Variants in FRAS1 observed in about 807,000 individuals in gnomAD.
FRAS1 encodes Fraser extracellular matrix complex subunit 1.
In FRAS1, 290 loss-of-function variants were observed where a neutral mutation model predicts 435.2. The ratio of observed to expected loss-of-function variants is 0.67; its 90% CI spans 0.61 to 0.73. The LOEUF (loss-of-function observed/expected upper bound fraction) is 0.73. Among genes scored for constraint, FRAS1 ranks in the 30% least tolerant of loss-of-function variants. The probability of loss-of-function intolerance (pLI) is 0.00; values close to 1 mark genes in which losing one functional copy is unlikely to be tolerated. For missense variants in FRAS1, 4,860 were observed against 5,001.5 expected, an observed-to-expected ratio of 0.97 and a Z score of 0.85; for synonymous variants, 1,800 against 1,851.0, an observed-to-expected ratio of 0.97 and a Z score of 0.71.
At chr4:78,139,630 T>C (rs546857095) in intron 2 of FRAS1, among the ~76,000 whole-genome samples, 6 of 151,972 alleles carry the variant, frequency 3.9e-5, no homozygotes, top group African/African-American at 7.3e-5. Flanking sequence ...TGGAAAAGAG[T>C]CTGGGTTATA....
At chr4:78,466,778 A>T (rs920801722) in intron 50 of FRAS1, among the ~76,000 whole-genome samples, 3 of 151,632 alleles carry the variant, frequency 2.0e-5, no homozygotes, top group African/African-American at 7.3e-5. Flanking sequence ...TTTTTCTTTC[A>T]TCTGGTTTTT....
At chr4:78,425,508 T>C (rs1366126329) in intron 35 of FRAS1, among the ~76,000 whole-genome samples, 2 of 152,230 alleles carry the variant, frequency 1.3e-5, no homozygotes, top group East Asian at 3.8e-4. Context: ...CAACCATCCA[T>C]GCGCACTGTT....
intron 66 of FRAS1, among the ~76,000 whole-genome samples, chr4:78,519,096 C>T (rs189835751): frequency 0.14 from 21,202 of 152,220 alleles, 1,770 homozygotes; most frequent in Non-Finnish European, 0.2. Context: ...AGTGCCACCT[C>T]CTTAGAGAAG....
At chr4:78,404,974 G>A (rs939125658) in intron 30 of FRAS1, among the ~76,000 whole-genome samples, 2 of 152,086 alleles carry the variant, frequency 1.3e-5, no homozygotes, top group Non-Finnish European at 1.5e-5. Context: ...TGCTTATGGG[G>A]CTAATCTTTG....
Position 78,542,193 on chromosome 4 carries a change from A to G in FRAS1, c.*1069A>G, listed in dbSNP as rs1436637987. 1 of 152,228 alleles carries G rather than the reference A, an allele frequency of 6.6e-6. No homozygotes were observed. Among genetic ancestry groups the G allele is most frequent in the Non-Finnish European group, 1.5e-5 (1 of 68,048 alleles). 9.4% of individuals were successfully genotyped at this position (152,228 alleles called of 1,614,324 possible). A position where few individuals can be genotyped will look rare whatever the true frequency, so the allele number is the denominator to read the frequency against. On this transcript the variant is annotated 3_prime_UTR_variant, in exon 74 of 74. Transcript: ENST00000512123. ...GCTGGTTCTCCTTGCTGTGTGTGACACAGCAGACAGAGGCACTATTCCTGG... is the reference window on the plus strand; with the variant it reads ...GCTGGTTCTCCTTGCTGTGTGTGACGCAGCAGACAGAGGCACTATTCCTGG...
intron 9 of FRAS1, among the ~76,000 whole-genome samples, chr4:78,273,710 G>T (rs1049663090): frequency 3.9e-5 from 6 of 152,162 alleles, no homozygotes; most frequent in Non-Finnish European, 8.8e-5. Context: ...GCTGGATTTG[G>T]TTTGCCAGTA....
At chr4:78,251,368 C>T (rs1725522614) in intron 4 of FRAS1, among the ~76,000 whole-genome samples, 1 of 152,210 alleles carries the variant, frequency 6.6e-6, no homozygotes, top group Non-Finnish European at 1.5e-5. Context: ...GAAGTTTGAG[C>T]ATCTTTCTAT....
chr4:78,302,723 A>G (rs991536788), intron 14 of FRAS1, among the ~76,000 whole-genome samples: 3 of 151,748 alleles, frequency 2.0e-5, no homozygotes, highest in African/African-American at 7.3e-5. Flanking sequence ...TTTCTTGTAA[A>G]TTTGTTTGAG....
rs77243265 is a variant in FRAS1 at position 78,150,474 on chromosome 4, G to A, written c.108+84458G>A. ...CATATCTTTTCAACAGTGATGTTAAGATGTTATCTTTTTTTGTCTTTAAAT... is the reference window on the plus strand; with the variant it reads ...CATATCTTTTCAACAGTGATGTTAAAATGTTATCTTTTTTTGTCTTTAAAT... On this transcript the variant is annotated intron_variant, in intron 2 of 73. Coordinates refer to ENST00000512123, the MANE Select transcript of FRAS1 (RefSeq NM_025074.7). 0.012 allele frequency among the ~76,000 whole-genome samples: 1,869 copies of A among 152,270 alleles called. 126 individuals are homozygous for A. In the East Asian group the frequency reaches 0.18, roughly 14 times the overall value.
At chr4:78,447,612 T>C (rs1262982889) in intron 43 of FRAS1, among the ~76,000 whole-genome samples, 1 of 152,178 alleles carries the variant, frequency 6.6e-6, no homozygotes, top group African/African-American at 2.4e-5. Flanking sequence ...TGCTTCAATC[T>C]AAAGATGCTT....
At chr4:78,176,442 A>G (rs1236830542) in intron 2 of FRAS1, among the ~76,000 whole-genome samples, 3 of 152,184 alleles carry the variant, frequency 2.0e-5, no homozygotes, top group Non-Finnish European at 4.4e-5. Flanking sequence ...CTGGGCAGAA[A>G]TCAACTCACT....
intron 30 of FRAS1, 92 bp from the exon 31 acceptor site, chr4:78,407,571 T>A: frequency 2.0e-6 from 2 of 980,698 alleles, no homozygotes; most frequent in Non-Finnish European, 1.5e-6. Flanking sequence ...CATTTCTTTC[T>A]AGTTAAAAAA....
At chr4:78,248,036 TG>T (rs1032645959) in intron 4 of FRAS1, among the ~76,000 whole-genome samples, 1 of 152,164 alleles carries the variant, frequency 6.6e-6, no homozygotes, top group African/African-American at 2.4e-5. Flanking sequence ...AGCGGAGCCT[TG>T]GGGGAGGACC....
In FRAS1 at chr4:78,191,910, A is replaced by G. The variant is rs181756562; in HGVS notation, c.109-45600A>G. ...GGCTGTATAGTATTCCATAGTGTAT[A>G]TGTGCCACATTTTCTTAATCCAGTC... On this transcript the variant is annotated intron_variant, in intron 2 of 73. Transcript: ENST00000512123. Among the ~76,000 whole-genome samples, 421 of 152,228 alleles carry G rather than the reference A, an allele frequency of 2.8e-3. 3 individuals are homozygous for G. The highest frequency in any genetic ancestry group is 9.1e-3 in the African/African-American group (377 of 41,536).
chr4:78,087,147 C>T (rs554674914), intron 2 of FRAS1, among the ~76,000 whole-genome samples: 1 of 152,236 alleles, frequency 6.6e-6, no homozygotes, highest in South Asian at 2.1e-4. Flanking sequence ...CATAATCCAG[C>T]ATATAAACAG....
At chr4:78,219,495 T>G (rs1723950925) in intron 2 of FRAS1, among the ~76,000 whole-genome samples, 1 of 152,206 alleles carries the variant, frequency 6.6e-6, no homozygotes, top group Non-Finnish European at 1.5e-5. Context: ...TATCAGCCAG[T>G]TTCTAGGACA....
intron 70 of FRAS1, among the ~76,000 whole-genome samples, chr4:78,530,439 C>G (rs1721675653): frequency 6.6e-6 from 1 of 152,002 alleles, no homozygotes; most frequent in East Asian, 1.9e-4. Flanking sequence ...AACCTTGGAT[C>G]CCCTATATAG....
At chr4:78,400,977 T>C (rs1284790784) in intron 30 of FRAS1, 90 bp downstream of exon 30, 1 of 1,229,356 alleles carries the variant, frequency 8.1e-7, no homozygotes, top group Admixed American at 2.5e-5. Flanking sequence ...AAGATTGCAA[T>C]TCCAATGAAC....
chr4:78,206,768 T>C (rs571069713), intron 2 of FRAS1, among the ~76,000 whole-genome samples: 69 of 152,206 alleles, frequency 4.5e-4, no homozygotes, highest in Admixed American at 8.5e-4. Context: ...GTTGAACCCA[T>C]TTTATAGATG....
Sources: allele counts gnomAD v4.1 joint callset (sites outside exome capture counted in the v4.1 genomes callset), GRCh38; gene constraint gnomAD v4.1.1; transcripts MANE v1.5; gene names NCBI Gene and HGNC (gene_info 2026-07-23, HGNC 2026-07-21).